GALNT14: variants seen among roughly 807,000 people sequenced by gnomAD.
GALNT14 encodes the protein UDP-GalNAc:polypeptide N-acetylgalactosaminyltransferase 14.
In GALNT14, 60 loss-of-function variants were observed where a neutral mutation model predicts 77.5. The observed-to-expected ratio is 0.77, with a 90% CI of 0.63 to 0.96. The LOEUF (loss-of-function observed/expected upper bound fraction) is 0.96, where lower values mean the gene tolerates loss of function less well. Ranked by LOEUF, GALNT14 falls within the 40% of genes least tolerant of loss-of-function variation. The pLI is 0.00. For synonymous variants in GALNT14, 280 were observed against 281.7 expected (o/e 0.99, Z 0.06); for missense variants, 710 against 731.0 (o/e 0.97, Z 0.33).
intron 2 of GALNT14, among the ~76,000 whole-genome samples, chr2:30,977,370 C>A (rs1217273492): frequency 6.6e-6 from 1 of 152,258 alleles, no homozygotes. Context: ...GGGTTACAGG[C>A]GTGAGCCACC....
At chr2:30,913,471 C>G (rs998425284) in intron 13 of GALNT14, among the ~76,000 whole-genome samples, 3 of 152,226 alleles carry the variant, frequency 2.0e-5, no homozygotes, top group African/African-American at 7.2e-5. Context: ...TGGTGGTCAT[C>G]TGTCTCTCGT....
the GALNT14 span, among the ~76,000 whole-genome samples, chr2:30,902,058 T>G: frequency 6.6e-6 from 1 of 152,216 alleles, no homozygotes; most frequent in Non-Finnish European, 1.5e-5. Context: ...CGGATTTGAC[T>G]GAGGGCTCTC....
chr2:31,102,762 C>T (rs558504881), intron 1 of GALNT14, among the ~76,000 whole-genome samples: 76 of 152,164 alleles, frequency 5.0e-4, no homozygotes, highest in African/African-American at 1.8e-3. Flanking sequence ...CCGTTACCAG[C>T]GTGTTTTCGT....
At position 31,138,336 on chromosome 2, in the gene GALNT14, G is replaced by T. The variant is rs1679323274; in HGVS notation, c.-250C>A. 1 of 468,858 alleles carries T rather than the reference G, an allele frequency of 2.1e-6. No individual in the cohort carries two copies. The highest frequency in any genetic ancestry group is 3.8e-6 in the Non-Finnish European group (1 of 266,496). 29.0% of individuals were successfully genotyped at this position (468,858 alleles called of 1,614,324 possible). On this transcript the variant is annotated 5_prime_UTR_variant, in exon 1 of 15. Coordinates refer to ENST00000349752, the MANE Select transcript of GALNT14 (RefSeq NM_024572.4). ...CCGAGGGCAGCCAAGCTGGACGCCC[G>T]CTCCAGCGGGAGAAGCGCGGTGGCT...
intron 11 of GALNT14, among the ~76,000 whole-genome samples, chr2:30,926,828 G>A (rs1192149541): frequency 2.6e-5 from 4 of 152,142 alleles, no homozygotes; most frequent in South Asian, 2.1e-4. Flanking sequence ...AGGGAGCCAG[G>A]TGGGAGCAGT....
At chr2:31,006,898 T>C (rs926027986) in intron 1 of GALNT14, among the ~76,000 whole-genome samples, 2 of 152,198 alleles carry the variant, frequency 1.3e-5, no homozygotes, top group African/African-American at 2.4e-5. Flanking sequence ...AGGGGGAGGA[T>C]AGATCTCCCC....
At chr2:30,966,784 T>G (rs1668037590) in intron 2 of GALNT14, among the ~76,000 whole-genome samples, 1 of 152,168 alleles carries the variant, frequency 6.6e-6, no homozygotes, top group South Asian at 2.1e-4. Context: ...GCCCAGCCCC[T>G]GCAACACACA....
the GALNT14 span, among the ~76,000 whole-genome samples, chr2:30,900,696 G>A: frequency 6.6e-6 from 1 of 152,196 alleles, no homozygotes; most frequent in East Asian, 1.9e-4. Flanking sequence ...AATCACAGCT[G>A]CATTTGAAAG....
chr2:31,064,652 C>A (rs1205751309), intron 1 of GALNT14, among the ~76,000 whole-genome samples: 1 of 152,018 alleles, frequency 6.6e-6, no homozygotes, highest in Non-Finnish European at 1.5e-5. Flanking sequence ...GCTGGGCTGG[C>A]AGAAGTGAGA....
chr2:31,003,115 C>G (rs1414992212), intron 1 of GALNT14, among the ~76,000 whole-genome samples: 1 of 152,114 alleles, frequency 6.6e-6, no homozygotes, highest in Non-Finnish European at 1.5e-5. Flanking sequence ...TTCTATTTAT[C>G]TTCTGTGGGG....
chr2:31,017,460 C>G (rs6730181), intron 1 of GALNT14, among the ~76,000 whole-genome samples: 78,952 of 152,076 alleles, frequency 0.52, 20,988 homozygotes, highest in Middle Eastern at 0.65. Flanking sequence ...AAATTTCCTA[C>G]TGAGAAAACA....
intron 1 of GALNT14, among the ~76,000 whole-genome samples, chr2:31,105,414 T>C (rs1459263027): frequency 6.6e-6 from 1 of 152,164 alleles, no homozygotes; most frequent in African/African-American, 2.4e-5. Flanking sequence ...GCCACTTCTC[T>C]GAGGCCCCCT....
intron 3 of GALNT14, among the ~76,000 whole-genome samples, chr2:30,964,320 G>A (rs190402084): frequency 1.5e-3 from 232 of 152,308 alleles, no homozygotes; most frequent in Non-Finnish European, 2.2e-3. Flanking sequence ...CAACGGCAGG[G>A]CTGTGGTCTG....
chr2:30,894,789 CTT>C, the GALNT14 span, among the ~76,000 whole-genome samples: 1 of 152,216 alleles, frequency 6.6e-6, no homozygotes, highest in African/African-American at 2.4e-5. Context: ...CCTCTGGACT[CTT>C]AGCCTACGGC....
Position 31,138,049 on chromosome 2 carries a change from A to G in GALNT14, c.38T>C (p.Phe13Ser). The G allele has an allele frequency of 6.2e-7, 1 of 1,613,800 alleles. No homozygotes were observed. Among genetic ancestry groups the G allele is most frequent in the Non-Finnish European group, 8.5e-7 (1 of 1,179,784 alleles). ...CAGCACCGTGATCCAGAGCACCCCG[A>G]AGACTGGCAGAACCAGCCGACGAGT... The part of the protein sequence containing the change: ...RLTRRLVLPV[F>S]GVLWITVLLF... Residue 13 changes from phenylalanine (F) to serine (S), a missense_variant, in exon 1 of 15, where the codon TTC becomes TCC. Transcript: ENST00000349752.
intron 1 of GALNT14, among the ~76,000 whole-genome samples, chr2:31,044,955 C>A (rs1354590323): frequency 6.6e-6 from 1 of 151,758 alleles, no homozygotes; most frequent in Non-Finnish European, 1.5e-5. Flanking sequence ...ATCCGTCAGG[C>A]ATGGGGAATT....
rs927033153 is a variant in GALNT14, at chr2:30,930,360, T to G, written c.1059-873A>C. On this transcript the variant is annotated intron_variant, in intron 10 of 14. Coordinates refer to ENST00000349752, the MANE Select transcript of GALNT14 (RefSeq NM_024572.4). Reference sequence around the variant, plus strand: ...ACAGGTCTTCCCATAGGCCATGCAGTTAGCCTGCTGCAGGTGTAAAGAACT... The same window carrying G: ...ACAGGTCTTCCCATAGGCCATGCAGGTAGCCTGCTGCAGGTGTAAAGAACT... Among the ~76,000 whole-genome samples the G allele has an allele frequency of 2.6e-5, 4 of 152,376 alleles. No individual in the cohort carries two copies. The East Asian group carries it at 5.8e-4, about 22-fold the overall frequency.
chr2:30,911,152 G>A (rs1312637531), intron 14 of GALNT14, 93 bp from the exon 15 acceptor site: 4 of 1,150,282 alleles, frequency 3.5e-6, no homozygotes, highest in South Asian at 1.4e-5. Context: ...TCATGTCTAG[G>A]GTCACTGAGA....
intron 6 of GALNT14, among the ~76,000 whole-genome samples, chr2:30,952,792 A>G (rs1033355001): frequency 3.9e-5 from 6 of 151,952 alleles, no homozygotes; most frequent in Middle Eastern, 3.4e-3. Context: ...TGGTTGATTC[A>G]TTTTCATTCT....
Sources: gnomAD v4.1 joint callset for allele counts (sites outside exome capture counted in the v4.1 genomes callset) on GRCh38, gnomAD v4.1.1 for gene constraint, MANE v1.5 for transcripts, NCBI Gene and HGNC (gene_info 2026-07-23, HGNC 2026-07-21) for gene names.